Variants in ZNF385D observed in about 807,000 individuals in gnomAD.
ZNF385D encodes zinc finger protein 385D.
A neutral mutation model predicts 35.8 loss-of-function variants in ZNF385D; 15 were observed. The observed-to-expected ratio is 0.42, with a 90% CI of 0.28 to 0.64. The LOEUF is 0.64. ZNF385D is among the 30% of genes least tolerant of loss of function. ZNF385D has a pLI of 0.23. For synonymous variants in ZNF385D, 212 were observed against 186.8 expected, an observed-to-expected ratio of 1.13 and a Z score of -1.10; for missense variants, 474 against 494.6, an observed-to-expected ratio of 0.96 and a Z score of 0.39.
Position 21,600,113 on chromosome 3 carries a change from C to T in ZNF385D, c.166-35429G>A, listed in dbSNP as rs562496506. On this transcript the variant is annotated intron_variant, in intron 2 of 7. Coordinates refer to ENST00000281523, the MANE Select transcript of ZNF385D (RefSeq NM_024697.3). ...GCCATGACAATGTCAGGAATTTACC[C>T]TATATGGTCTAAATAGGGGAGGCAT... Among the ~76,000 whole-genome samples, 10 of 152,296 alleles carry T rather than the reference C, an allele frequency of 6.6e-5. 1 individual carries two copies. The highest frequency in any genetic ancestry group is 2.4e-4 in the African/African-American group (10 of 41,566).
chr3:21,806,028 T>C (rs1427446224), intron 3 of ZNF385D, among the ~76,000 whole-genome samples: 1 of 152,170 alleles, frequency 6.6e-6, no homozygotes, highest in Middle Eastern at 3.2e-3. Flanking sequence ...CAGCCAGGCA[T>C]ACAGCCTTGT....
intron 3 of ZNF385D, among the ~76,000 whole-genome samples, chr3:21,894,275 C>T (rs1699022560): frequency 6.6e-6 from 1 of 152,082 alleles, no homozygotes; most frequent in Non-Finnish European, 1.5e-5. Flanking sequence ...GTCACAAATA[C>T]TATCTTAAGA....
At chr3:22,278,825 A>G (rs980830944) in intron 2 of ZNF385D, among the ~76,000 whole-genome samples, 2 of 152,190 alleles carry the variant, frequency 1.3e-5, no homozygotes, top group South Asian at 2.1e-4. Flanking sequence ...GATGCTGGCT[A>G]TCTTGTGGGG....
chr3:22,235,435 A>G (rs749479616), intron 2 of ZNF385D, among the ~76,000 whole-genome samples: 18 of 152,136 alleles, frequency 1.2e-4, no homozygotes, highest in South Asian at 2.1e-4. Context: ...AAACACTCAG[A>G]GGGCACAAAA....
intron 2 of ZNF385D, among the ~76,000 whole-genome samples, chr3:21,589,765 G>GA (rs35302700): frequency 1.3e-5 from 2 of 151,208 alleles, no homozygotes; most frequent in Admixed American, 6.6e-5. Flanking sequence ...GATATTTAGT[G>GA]AAAAAAAATC....
intron 2 of ZNF385D, among the ~76,000 whole-genome samples, chr3:22,263,240 AC>A (rs2125348226): frequency 6.6e-6 from 1 of 151,862 alleles, no homozygotes; most frequent in South Asian, 2.1e-4. Context: ...AATCCATCTA[AC>A]CCAGTCATTC....
chr3:21,988,891 G>T (rs2125390100), intron 3 of ZNF385D, among the ~76,000 whole-genome samples: 1 of 152,324 alleles, frequency 6.6e-6, no homozygotes, highest in African/African-American at 2.4e-5. Flanking sequence ...TTTTAAGCCG[G>T]TCTGAAAAGT....
intron 3 of ZNF385D, among the ~76,000 whole-genome samples, chr3:22,112,467 G>T (rs184719259): frequency 6.6e-6 from 1 of 151,936 alleles, no homozygotes; most frequent in Non-Finnish European, 1.5e-5. Flanking sequence ...TTACCAAATC[G>T]TACCAGTAAT....
intron 3 of ZNF385D, among the ~76,000 whole-genome samples, chr3:21,774,257 G>A (rs774729127): frequency 2.0e-5 from 3 of 151,718 alleles, no homozygotes; most frequent in Admixed American, 6.6e-5. Context: ...CAACACACAC[G>A]GGGGCCTGTC....
Position 22,319,668 on chromosome 3 carries a change from T to A in ZNF385D, c.106+52782A>T, listed in dbSNP as rs576884908. Among the ~76,000 whole-genome samples, 104 of 152,206 alleles carry A rather than the reference T, an allele frequency of 6.8e-4. 1 individual carries two copies. Among genetic ancestry groups the A allele is most frequent in the Middle Eastern group, 3.4e-3 (1 of 292 alleles). On this transcript the variant is annotated intron_variant, in intron 2 of 5. Coordinates refer to the ZNF385D transcript ENST00000494108. ...AACACTGACTCACAATCTCCTCCTGTGAAAAGATGTCCTCCCAGGAAGTAA... is the reference window on the plus strand; with the variant it reads ...AACACTGACTCACAATCTCCTCCTGAGAAAAGATGTCCTCCCAGGAAGTAA...
In ZNF385D at chr3:21,737,183, G is replaced by A. The variant is rs191059491; in HGVS notation, c.22+13712C>T. Among the ~76,000 whole-genome samples the A allele has an allele frequency of 1.1e-4, 16 of 152,142 alleles. 1 individual carries two copies. The South Asian group carries it at 1.5e-3, about 14-fold the overall frequency. ...TTGAACTCCTGACCTCAAGTGATCC[G>A]CCTGCCTTGGCCTCCTAAAGTGCTG... On this transcript the variant is annotated intron_variant, in intron 1 of 7. Transcript: ENST00000281523.
At chr3:21,744,388 A>T (rs2069663694) in intron 1 of ZNF385D, among the ~76,000 whole-genome samples, 1 of 152,244 alleles carries the variant, frequency 6.6e-6, no homozygotes, top group Admixed American at 6.5e-5. Context: ...ATGAATATGA[A>T]AAAAGGTAAG....
chr3:21,919,257 A>G, intron 3 of ZNF385D, among the ~76,000 whole-genome samples: 1 of 152,350 alleles, frequency 6.6e-6, no homozygotes, highest in East Asian at 1.9e-4. Context: ...GCTTGGCACT[A>G]GGAGTTCAAA....
At position 21,413,501 on chromosome 3, in the gene ZNF385D, A is replaced by T. The variant is rs1338761600; in HGVS notation, c.*7713T>A. The stretch of plus-strand genomic sequence containing the variant: ...TAGTTTTTGTAAAATCAAATTCACC[A>T]TGTCAACTGTACCTCCCTCCAATGC... On this transcript the variant is annotated 3_prime_UTR_variant, in exon 8 of 8. Coordinates refer to ENST00000281523, the MANE Select transcript of ZNF385D (RefSeq NM_024697.3). 1 of 152,070 alleles carries T rather than the reference A, an allele frequency of 6.6e-6. No homozygotes were observed. Among genetic ancestry groups the T allele is most frequent in the African/African-American group, 2.4e-5 (1 of 41,408 alleles). 9.4% of individuals were successfully genotyped at this position (152,070 alleles called of 1,614,324 possible). A position where few individuals can be genotyped will look rare whatever the true frequency, so the allele number is the denominator to read the frequency against.
At chr3:22,102,214 A>G (rs1285545353) in intron 3 of ZNF385D, among the ~76,000 whole-genome samples, 1 of 151,988 alleles carries the variant, frequency 6.6e-6, no homozygotes, top group African/African-American at 2.4e-5. Flanking sequence ...TACTTCTAAC[A>G]TTAGTCAATG....
At chr3:22,235,745 G>A (rs2125305083) in intron 2 of ZNF385D, among the ~76,000 whole-genome samples, 1 of 152,150 alleles carries the variant, frequency 6.6e-6, no homozygotes, top group Non-Finnish European at 1.5e-5. Context: ...AGATTAATAT[G>A]CTTAATAATA....
intron 3 of ZNF385D, among the ~76,000 whole-genome samples, chr3:22,139,388 G>T (rs1474320146): frequency 1.3e-5 from 2 of 152,062 alleles, no homozygotes; most frequent in Non-Finnish European, 2.9e-5. Context: ...ATGATAGACT[G>T]GATTAAGAAA....
chr3:21,542,617 G>A (rs2062211761), intron 3 of ZNF385D, among the ~76,000 whole-genome samples: 1 of 151,934 alleles, frequency 6.6e-6, no homozygotes, highest in African/African-American at 2.4e-5. Context: ...TCAAGCACTG[G>A]GATTACAGGT....
intron 3 of ZNF385D, among the ~76,000 whole-genome samples, chr3:21,791,915 A>G (rs2071946079): frequency 1.3e-5 from 2 of 152,112 alleles, no homozygotes; most frequent in Non-Finnish European, 1.5e-5. Context: ...TTGTTTATTT[A>G]GTAGAGACGG....
Sources: allele counts gnomAD v4.1 joint callset (sites outside exome capture counted in the v4.1 genomes callset), GRCh38; gene constraint gnomAD v4.1.1; transcripts MANE v1.5; gene names NCBI Gene and HGNC (gene_info 2026-07-23, HGNC 2026-07-21).